WDFY3: variants seen among roughly 807,000 people sequenced by gnomAD.
WDFY3 encodes WD repeat and FYVE domain-containing protein 3.
A neutral mutation model predicts 409.6 loss-of-function variants in WDFY3; 66 were observed. The ratio of observed to expected loss-of-function variants is 0.16; its 90% CI spans 0.13 to 0.20. The LOEUF is 0.20. Ranked by LOEUF, WDFY3 falls within the 10% of genes least tolerant of loss-of-function variation. The probability of loss-of-function intolerance (pLI) is 1.00; values close to 1 mark genes in which losing one functional copy is unlikely to be tolerated. For synonymous variants in WDFY3, 1,521 were observed against 1,537.1 expected, an observed-to-expected ratio of 0.99 and a Z score of 0.25; for missense variants, 3,031 against 4,298.1, an observed-to-expected ratio of 0.71 and a Z score of 8.24.
At chr4:84,840,414 G>A (rs189046975) in intron 6 of WDFY3, among the ~76,000 whole-genome samples, 1 of 152,150 alleles carries the variant, frequency 6.6e-6, no homozygotes, top group East Asian at 1.9e-4. Flanking sequence ...TATAAGCTGA[G>A]TAACCTTAGA....
At chr4:84,814,064 A>T (rs1752908272) in intron 13 of WDFY3, among the ~76,000 whole-genome samples, 1 of 152,210 alleles carries the variant, frequency 6.6e-6, no homozygotes, top group African/African-American at 2.4e-5. Context: ...TAGAAGTAAT[A>T]ACTACTAATG....
intron 28 of WDFY3, 38 bp downstream of exon 28, chr4:84,775,027 A>G: frequency 6.2e-7 from 1 of 1,613,536 alleles, no homozygotes; most frequent in Non-Finnish European, 8.5e-7. Context: ...CACCTTTTCT[A>G]TAGCTGAATA....
At position 84,841,202 on chromosome 4, in the gene WDFY3, T is replaced by C. The variant is rs763365814; in HGVS notation, c.366A>G (p.Arg122=). ...LEINQSEEAS[R]GWMLLTTINL... Reference sequence around the variant, plus strand: ...TAATTGTCGTTAGAAGCATCCAGCCTCTACTGGCTTCTTCACTCTGATTAA... The same window carrying C: ...TAATTGTCGTTAGAAGCATCCAGCCCCTACTGGCTTCTTCACTCTGATTAA... Residue 122 remains arginine, a synonymous_variant, in exon 6 of 68, where the codon AGA becomes AGG. Transcript: ENST00000295888. The C allele has an allele frequency of 1.2e-6, 2 of 1,612,962 alleles. No individual in the cohort carries two copies. The highest frequency in any genetic ancestry group is 8.5e-7 in the Non-Finnish European group (1 of 1,179,784).
chr4:84,781,783 A>G (rs887949937), intron 25 of WDFY3, among the ~76,000 whole-genome samples: 1 of 152,198 alleles, frequency 6.6e-6, no homozygotes, highest in Admixed American at 6.5e-5. Flanking sequence ...GACATACCAC[A>G]GTGCTTGTAA....
chr4:84,864,568 T>C (rs1285421543), intron 3 of WDFY3, among the ~76,000 whole-genome samples: 2 of 152,194 alleles, frequency 1.3e-5, no homozygotes, highest in African/African-American at 4.8e-5. Flanking sequence ...GTACAAGTCT[T>C]TCACTTCTTT....
chr4:84,882,826 A>G (rs1038278171), intron 3 of WDFY3, among the ~76,000 whole-genome samples: 1 of 151,552 alleles, frequency 6.6e-6, no homozygotes, highest in Non-Finnish European at 1.5e-5. Flanking sequence ...TGATCCTCTC[A>G]CCTCAGCCTC....
intron 3 of WDFY3, among the ~76,000 whole-genome samples, chr4:84,882,312 C>T (rs1560995336): frequency 6.6e-6 from 1 of 152,116 alleles, no homozygotes; most frequent in African/African-American, 2.4e-5. Flanking sequence ...CACAGCTCCA[C>T]CACCACTCCT....
At chr4:84,816,766 T>C (rs757447571) in intron 13 of WDFY3, among the ~76,000 whole-genome samples, 2 of 152,076 alleles carry the variant, frequency 1.3e-5, no homozygotes, top group African/African-American at 2.4e-5. Context: ...AGTGTATAAA[T>C]CTGTATAAAA....
At chr4:84,852,903 G>A (rs1759225982) in intron 4 of WDFY3, among the ~76,000 whole-genome samples, 1 of 151,874 alleles carries the variant, frequency 6.6e-6, no homozygotes, top group South Asian at 2.1e-4. Flanking sequence ...GACTACAGGT[G>A]CCTGCCACCA....
chr4:84,786,845 ATGAG>A (rs1747641972), intron 23 of WDFY3, among the ~76,000 whole-genome samples: 1 of 152,200 alleles, frequency 6.6e-6, no homozygotes, highest in African/African-American at 2.4e-5. Flanking sequence ...TAAATTAAGA[ATGAG>A]TGAAAAGATA....
chr4:84,850,005 C>T lies in WDFY3; in HGVS notation c.201G>A (p.Pro67=), dbSNP rs552529188. ...CAGAAAATTTTTCTGTCATTGTATT[C>T]GGCGGAGCATTTCCAAAAACCTGTA... ...VFNRVFGNAP[P]NTMTEKFSDL... is the part of the protein sequence containing the mutation. Residue 67 remains proline (P), a synonymous_variant, in exon 5 of 68, where the codon CCG becomes CCA. Transcript: ENST00000295888. 2.6e-5 allele frequency: 41 copies of T among 1,598,290 alleles called. No individual in the cohort carries two copies. The Middle Eastern group carries it at 6.6e-4, about 26-fold the overall frequency.
At chr4:84,708,832 C>T (rs1230643922) in intron 53 of WDFY3, 77 bp downstream of exon 53, 21 of 1,519,578 alleles carry the variant, frequency 1.4e-5, no homozygotes, top group Admixed American at 5.3e-5. Flanking sequence ...TGAGCCACTG[C>T]ACCCCACTTC....
At chr4:84,882,941 G>C (rs555659035) in intron 3 of WDFY3, among the ~76,000 whole-genome samples, 1 of 152,082 alleles carries the variant, frequency 6.6e-6, no homozygotes, top group East Asian at 1.9e-4. Flanking sequence ...CTCTGGGCTA[G>C]AGCGATCCTC....
intron 3 of WDFY3, among the ~76,000 whole-genome samples, chr4:84,896,213 G>A (rs552801818): frequency 3.2e-4 from 48 of 152,074 alleles, no homozygotes; most frequent in African/African-American, 1.1e-3. Context: ...CCGAGATTGT[G>A]CCACTACACT....
chr4:84,883,458 G>T (rs1285588345), intron 3 of WDFY3, among the ~76,000 whole-genome samples: 1 of 152,108 alleles, frequency 6.6e-6, no homozygotes, highest in Non-Finnish European at 1.5e-5. Flanking sequence ...TTCTTAGAAG[G>T]AAAGCAATGT....
chr4:84,918,392 G>T (rs1049189016), intron 2 of WDFY3, among the ~76,000 whole-genome samples: 6 of 151,976 alleles, frequency 3.9e-5, no homozygotes, highest in African/African-American at 1.5e-4. Context: ...TAATTTCCAG[G>T]GTATATTTTC....
chr4:84,783,450 A>G (rs1024312097), intron 24 of WDFY3, among the ~76,000 whole-genome samples: 2 of 152,192 alleles, frequency 1.3e-5, no homozygotes, highest in Non-Finnish European at 2.9e-5. Flanking sequence ...CTGGCACTCC[A>G]CACTCCAGCC....
chr4:84,778,208 A>AAGTTTC (rs1745885445), intron 27 of WDFY3, among the ~76,000 whole-genome samples: 1 of 152,182 alleles, frequency 6.6e-6, no homozygotes, highest in Non-Finnish European at 1.5e-5. Flanking sequence ...TTTCTATCAG[A>AAGTTTC]ATTGCCTGAT....
At chr4:84,774,000 G>A (rs184223184) in intron 29 of WDFY3, among the ~76,000 whole-genome samples, 19 of 152,300 alleles carry the variant, frequency 1.2e-4, no homozygotes, top group African/African-American at 3.8e-4. Flanking sequence ...GATTATAGGC[G>A]TGAGCCACTG....
Sources: allele counts gnomAD v4.1 joint callset (sites outside exome capture counted in the v4.1 genomes callset), GRCh38; gene constraint gnomAD v4.1.1; transcripts MANE v1.5; gene names NCBI Gene and HGNC (gene_info 2026-07-23, HGNC 2026-07-21).